Variants in CNIH4 observed in about 807,000 individuals in gnomAD.
CNIH4 encodes the protein cornichon family member 4, also known as protein cornichon homolog 4.
In CNIH4, 9 loss-of-function variants were observed where a neutral mutation model predicts 21.5. That is an observed-to-expected ratio of 0.42 (90% CI 0.25 to 0.73). The LOEUF is 0.73. Ranked by LOEUF, CNIH4 falls within the 30% of genes least tolerant of loss-of-function variation. CNIH4 has a pLI of 0.27. For missense variants in CNIH4, 159 were observed against 170.0 expected, an observed-to-expected ratio of 0.94 and a Z score of 0.36; for synonymous variants, 67 against 59.1, an observed-to-expected ratio of 1.13 and a Z score of -0.61.
intron 1 of CNIH4, among the ~76,000 whole-genome samples, chr1:224,358,952 G>GAT (rs1467714304): frequency 1.7e-4 from 26 of 152,322 alleles, no homozygotes; most frequent in Non-Finnish European, 3.4e-4. Flanking sequence ...CTTAATATAG[G>GAT]ATATAAGAGT....
chr1:224,368,980 A>G (rs771605698), intron 3 of CNIH4, among the ~76,000 whole-genome samples: 21 of 149,914 alleles, frequency 1.4e-4, no homozygotes, highest in Non-Finnish European at 2.5e-4. Flanking sequence ...CCCTAGTAGT[A>G]TACAGCTGTA....
At chr1:224,357,760 T>G (rs1672159708) in intron 1 of CNIH4, 1 of 152,250 alleles carries the variant, frequency 6.6e-6, no homozygotes, top group African/African-American at 2.4e-5. Flanking sequence ...TATCGATCCA[T>G]GTTAAAACTT....
In CNIH4 at chr1:224,362,412, C is replaced by T. The variant is rs538126404; in HGVS notation, c.138+1849C>T. 1.1e-4 allele frequency among the ~76,000 whole-genome samples: 17 copies of T among 149,790 alleles called. No individual in the cohort carries two copies. The South Asian group carries it at 3.4e-3, about 30-fold the overall frequency. ...CTCTCTCTCTCTCTTTCTCTCTTTT[C>T]CTGTCCTCTATGGGAAAGTTTTAGA... On this transcript the variant is annotated intron_variant, in intron 2 of 4. Transcript: ENST00000465271.
At chr1:224,369,126 T>C (rs1427741334) in intron 3 of CNIH4, among the ~76,000 whole-genome samples, 2 of 152,146 alleles carry the variant, frequency 1.3e-5, no homozygotes, top group Non-Finnish European at 2.9e-5. Context: ...ATAAGTAATT[T>C]AGGTGTGATG....
rs1672775356 is a variant in CNIH4, at chr1:224,376,131, A to C, written c.*309A>C. 9.2e-7 allele frequency: 1 copy of C among 1,088,360 alleles called. No homozygotes were observed. Among genetic ancestry groups the C allele is most frequent in the African/African-American group, 1.6e-5 (1 of 61,098 alleles). The allele number at this position is 1,088,360 out of a possible 1,614,324, so 67.4% of individuals were successfully genotyped here. On this transcript the variant is annotated 3_prime_UTR_variant, in exon 5 of 5. Coordinates refer to ENST00000465271, the MANE Select transcript of CNIH4 (RefSeq NM_014184.4). ...CCATCCCAGCTTTGCATGCCAAAGA[A>C]ATAAAGAACACACTTTAAAGGGCAA...
Position 224,356,890 on chromosome 1 carries a change from T to G in CNIH4, c.-35T>G, listed in dbSNP as rs1462831043. On this transcript the variant is annotated 5_prime_UTR_variant, in exon 1 of 5. Transcript: ENST00000465271. ...GGGTGGGTCGGGGCATCCGAGCGGG[T>G]TTGACGGAAGGAGCGGCGGCGACGG... 5 of 1,574,034 alleles carry G rather than the reference T, an allele frequency of 3.2e-6. No homozygotes were observed. In the Admixed American group the frequency reaches 8.9e-5, roughly 28 times the overall value.
intron 2 of CNIH4, among the ~76,000 whole-genome samples, chr1:224,363,045 CTTTTT>C (rs1672344901): frequency 6.7e-6 from 1 of 149,476 alleles, no homozygotes; most frequent in Non-Finnish European, 1.5e-5. Context: ...TTCTTTTTTT[CTTTTT>C]TCTTTCTTTT....
At position 224,376,293 on chromosome 1, in the gene CNIH4, T is replaced by C; in HGVS notation, c.*471T>C. 2 of 985,820 alleles carry C rather than the reference T, an allele frequency of 2.0e-6. No homozygotes were observed. Among genetic ancestry groups the C allele is most frequent in the Non-Finnish European group, 2.4e-6 (2 of 830,194 alleles). The allele number at this position is 985,820 out of a possible 1,614,324, so 61.1% of individuals were successfully genotyped here. ...TGTGACAACTTCATTTAATATGGTTTAAAGATTTATGAGACTGTCAGCTAA... is the reference window on the plus strand; with the variant it reads ...TGTGACAACTTCATTTAATATGGTTCAAAGATTTATGAGACTGTCAGCTAA... On this transcript the variant is annotated 3_prime_UTR_variant, in exon 5 of 5. Coordinates refer to ENST00000465271, the MANE Select transcript of CNIH4 (RefSeq NM_014184.4).
At chr1:224,363,132 A>G (rs1025123308) in intron 2 of CNIH4, among the ~76,000 whole-genome samples, 1 of 151,546 alleles carries the variant, frequency 6.6e-6, no homozygotes. Flanking sequence ...GACACCTCCA[A>G]CTCCTGGGTT....
chr1:224,367,279 AAAG>A (rs1672491266), intron 3 of CNIH4, among the ~76,000 whole-genome samples: 1 of 152,156 alleles, frequency 6.6e-6, no homozygotes, highest in Middle Eastern at 3.2e-3. Context: ...GTTAGAATAA[AAAG>A]AACAGAAAAA....
intron 3 of CNIH4, 73 bp downstream of exon 3, chr1:224,366,064 C>G: frequency 6.5e-6 from 6 of 919,606 alleles, no homozygotes; most frequent in Non-Finnish European, 1.1e-5. Flanking sequence ...TTTTTCAAGA[C>G]AGGATCTTAC....
At chr1:224,358,474 G>A (rs1212005210) in intron 1 of CNIH4, among the ~76,000 whole-genome samples, 1 of 152,242 alleles carries the variant, frequency 6.6e-6, no homozygotes, top group African/African-American at 2.4e-5. Context: ...ACTAGAGCAA[G>A]CTTGTCCAAC....
chr1:224,362,314 C>T (rs1278466948), intron 2 of CNIH4, among the ~76,000 whole-genome samples: 1 of 151,368 alleles, frequency 6.6e-6, no homozygotes, highest in Non-Finnish European at 1.5e-5. Flanking sequence ...AATCTCCTGA[C>T]CTCATGATCT....
intron 2 of CNIH4, 56 bp from the exon 3 acceptor site, chr1:224,365,823 T>G: frequency 9.9e-7 from 1 of 1,008,504 alleles, no homozygotes; most frequent in East Asian, 2.4e-5. Flanking sequence ...TCAAATAACA[T>G]GTACAGTCAG....
intron 1 of CNIH4, chr1:224,357,489 C>T (rs1355520581): frequency 6.5e-6 from 1 of 153,568 alleles, no homozygotes; most frequent in African/African-American, 2.4e-5. Context: ...GTTCCCCACG[C>T]AACACCCCCG....
Position 224,376,524 on chromosome 1 carries a change from G to A in CNIH4, c.*702G>A, listed in dbSNP as rs1290822820. On this transcript the variant is annotated 3_prime_UTR_variant, in exon 5 of 5. Coordinates refer to ENST00000465271, the MANE Select transcript of CNIH4 (RefSeq NM_014184.4). ...ACCCAGAAAATCCCCACTGGCTCTT[G>A]CCAGTCTGGTTTTCGTATTGCAGTT... 8.1e-6 allele frequency: 8 copies of A among 985,266 alleles called. No homozygotes were observed. The East Asian group carries it at 9.1e-4, about 112-fold the overall frequency. The allele number at this position is 985,266 out of a possible 1,614,324, so 61.0% of individuals were successfully genotyped here.
chr1:224,360,817 G>A (rs1672265573), intron 2 of CNIH4, among the ~76,000 whole-genome samples: 1 of 152,132 alleles, frequency 6.6e-6, no homozygotes, highest in Non-Finnish European at 1.5e-5. Flanking sequence ...ACTCAGAGTA[G>A]GGAAATGTTC....
intron 1 of CNIH4, among the ~76,000 whole-genome samples, chr1:224,359,872 A>C (rs891644680): frequency 2.6e-5 from 4 of 152,230 alleles, no homozygotes; most frequent in African/African-American, 9.6e-5. Context: ...ATGAAAAAAA[A>C]AGAAAAAATT....
At position 224,377,726 on chromosome 1, in the gene CNIH4, T is replaced by G. The variant is rs1672818754; in HGVS notation, c.*1904T>G. The G allele has an allele frequency of 1.3e-5, 2 of 152,252 alleles. No homozygotes were observed. The highest frequency in any genetic ancestry group is 4.8e-5 in the African/African-American group (2 of 41,430). 9.4% of individuals were successfully genotyped at this position (152,252 alleles called of 1,614,324 possible). On this transcript the variant is annotated 3_prime_UTR_variant, in exon 5 of 5. Transcript: ENST00000465271. ...AACTCCTGACCTCAAACGATCTGCC[T>G]GCCTTGGTCTCCCAAAGTGCTGGGA...
Sources: gnomAD v4.1 joint callset for allele counts (sites outside exome capture counted in the v4.1 genomes callset) on GRCh38, gnomAD v4.1.1 for gene constraint, MANE v1.5 for transcripts, NCBI Gene and HGNC (gene_info 2026-07-23, HGNC 2026-07-21) for gene names.